Variants in PCDHGB3 observed in about 807,000 individuals in gnomAD.
PCDHGB3 encodes the protein protocadherin gamma subfamily B, 3.
In PCDHGB3, 40 loss-of-function variants were observed where a neutral mutation model predicts 59.2. That is an observed-to-expected ratio of 0.68 (90% CI 0.52 to 0.88). The LOEUF (loss-of-function observed/expected upper bound fraction) is 0.88. Ranked by LOEUF, PCDHGB3 falls within the 40% of genes least tolerant of loss-of-function variation. The pLI is 0.00. For synonymous variants in PCDHGB3, 581 were observed against 503.6 expected (o/e 1.15, Z -2.06); for missense variants, 1,309 against 1,187.9 (o/e 1.10, Z -1.50).
intron 1 of PCDHGB3, among the ~76,000 whole-genome samples, chr5:141,429,326 T>A (rs571458414): frequency 6.6e-6 from 1 of 152,230 alleles, no homozygotes; most frequent in East Asian, 1.9e-4. Context: ...TTTTCTTTAA[T>A]CCATTAACTA....
intron 1 of PCDHGB3, chr5:141,399,413 C>T (rs1456440098): frequency 2.5e-5 from 41 of 1,613,930 alleles, no homozygotes; most frequent in Non-Finnish European, 3.2e-5. Context: ...CCGCCCCTCT[C>T]CTCCAGCATA....
At chr5:141,409,104 T>C in intron 1 of PCDHGB3, 3 of 1,613,960 alleles carry the variant, frequency 1.9e-6, no homozygotes, top group Non-Finnish European at 2.5e-6. Context: ...ACAGGTATGA[T>C]TAAGAATAAC....
chr5:141,417,940 C>T (rs757819377), intron 1 of PCDHGB3: 2 of 1,613,054 alleles, frequency 1.2e-6, no homozygotes, highest in South Asian at 1.1e-5. Context: ...TGTTCTACCC[C>T]ACGCTGTGTG....
intron 1 of PCDHGB3, chr5:141,430,641 T>G: frequency 1.1e-6 from 1 of 902,670 alleles, no homozygotes. Context: ...TCCCTGGGAG[T>G]ATGTGGAAAC....
At chr5:141,507,003 G>A (rs569257489) in intron 3 of PCDHGB3, 3 of 152,342 alleles carry the variant, frequency 2.0e-5, no homozygotes, top group African/African-American at 7.2e-5. Context: ...CGACAGATGA[G>A]AGAACCGAGA....
intron 1 of PCDHGB3, among the ~76,000 whole-genome samples, chr5:141,463,632 T>C (rs2099065676): frequency 6.6e-6 from 1 of 151,822 alleles, no homozygotes; most frequent in Admixed American, 6.6e-5. Flanking sequence ...GTATTTTGTT[T>C]AGTAGAGACG....
chr5:141,394,177 C>T (rs2092934633), intron 1 of PCDHGB3: 1 of 1,613,912 alleles, frequency 6.2e-7, no homozygotes, highest in East Asian at 2.2e-5. Context: ...TTCCCTCATG[C>T]CTCCTACTCA....
intron 1 of PCDHGB3, chr5:141,441,551 T>C (rs2098254450): frequency 5.4e-6 from 1 of 184,050 alleles, no homozygotes; most frequent in African/African-American, 2.4e-5. Flanking sequence ...GCCTCCATAG[T>C]GTGCAAGTAG....
At chr5:141,409,620 A>C in intron 1 of PCDHGB3, 2 of 1,613,876 alleles carry the variant, frequency 1.2e-6, no homozygotes, top group Non-Finnish European at 1.7e-6. Flanking sequence ...TCCATTGCGC[A>C]AGTGAGCGCC....
chr5:141,495,839 A>G (rs2099764148), intron 2 of PCDHGB3, among the ~76,000 whole-genome samples: 1 of 150,756 alleles, frequency 6.6e-6, no homozygotes, highest in South Asian at 2.1e-4. Flanking sequence ...CCCAGCCTCT[A>G]TGTTTCTCTG....
intron 1 of PCDHGB3, chr5:141,388,273 C>G: frequency 6.3e-7 from 1 of 1,597,470 alleles, no homozygotes; most frequent in East Asian, 2.3e-5. Context: ...AATGACCACA[C>G]GCCAAAATTC....
chr5:141,490,688 CTG>C lies in PCDHGB3; in HGVS notation c.2416-4118_2416-4117del. 6.2e-7 allele frequency: 1 copy of C among 1,614,218 alleles called. No homozygotes were observed. On this transcript the variant is annotated intron_variant, in intron 1 of 3. Coordinates refer to ENST00000576222, the MANE Select transcript of PCDHGB3 (RefSeq NM_018924.5). This position sits in a 1 kb window ranked among gnomAD's most constrained non-coding sequence, Gnocchi z 5.4. ...ACTGTGGCTGCCTCAGATCCAGACA[CTG>C]GGGATAATGCCCGCCTCACCTACTC... is the stretch of plus-strand genomic sequence containing the variant.
At chr5:141,473,750 G>C (rs777343462) in intron 1 of PCDHGB3, among the ~76,000 whole-genome samples, 1 of 152,192 alleles carries the variant, frequency 6.6e-6, no homozygotes, top group Non-Finnish European at 1.5e-5. Context: ...TGAGAACTTG[G>C]ATACTATGCA....
intron 1 of PCDHGB3, among the ~76,000 whole-genome samples, chr5:141,470,537 A>G (rs189730495): frequency 1.3e-5 from 2 of 152,256 alleles, no homozygotes; most frequent in Non-Finnish European, 2.9e-5. Context: ...TGTATCAGGT[A>G]ATATTTATTG....
At chr5:141,458,987 C>A (rs2098958554) in intron 1 of PCDHGB3, among the ~76,000 whole-genome samples, 1 of 152,168 alleles carries the variant, frequency 6.6e-6, no homozygotes, top group Non-Finnish European at 1.5e-5. Context: ...CCTGCCTCAC[C>A]CTCCCAAAGT....
intron 1 of PCDHGB3, chr5:141,413,467 G>T: frequency 6.2e-7 from 1 of 1,614,136 alleles, no homozygotes; most frequent in Non-Finnish European, 8.5e-7. Context: ...AGACCGGGAG[G>T]AGCTCTGCGC....
At chr5:141,480,763 A>G (rs541754723) in intron 1 of PCDHGB3, among the ~76,000 whole-genome samples, 1 of 152,308 alleles carries the variant, frequency 6.6e-6, no homozygotes, top group East Asian at 1.9e-4. Flanking sequence ...GAAGGTCCCC[A>G]CTTGATCCTA....
At chr5:141,441,635 G>T in intron 1 of PCDHGB3, 1 of 226,720 alleles carries the variant, frequency 4.4e-6, no homozygotes, top group Non-Finnish European at 8.9e-6. Flanking sequence ...TGGAGCCACA[G>T]GCGCTGTGAT....
rs769801850 is a variant in PCDHGB3 at position 141,371,052 on chromosome 5, C to G, written c.658C>G (p.Pro220Ala). Residue 220 changes from proline to alanine, a missense_variant, in exon 1 of 4, where the codon CCC (proline) becomes GCC (alanine). Physicochemically the swap from Pro to Ala is conservative, Grantham distance 27. Coordinates refer to ENST00000576222, the MANE Select transcript of PCDHGB3 (RefSeq NM_018924.5). The stretch of plus-strand genomic sequence containing the variant: ...CCTCACAGCTGTGGATGGGGGCGAG[C>G]CCTCCAGAAGCTGTACCACCCAGAT... ...LVLTAVDGGE[P>A]SRSCTTQIRV... 6.0e-5 allele frequency: 97 copies of G among 1,613,842 alleles called. No individual in the cohort carries two copies. The South Asian group carries it at 1.1e-3, about 18-fold the overall frequency.
Sources: allele counts gnomAD v4.1 joint callset (sites outside exome capture counted in the v4.1 genomes callset), GRCh38; gene constraint gnomAD v4.1.1; non-coding constraint Gnocchi (gnomAD v3.1); transcripts MANE v1.5; gene names NCBI Gene and HGNC (gene_info 2026-07-23, HGNC 2026-07-21).